Variants in NRXN3 observed in about 807,000 individuals in gnomAD.
NRXN3 encodes neurexin 3.
In NRXN3, 32 loss-of-function variants were observed where a neutral mutation model predicts 137.6. The ratio of observed to expected loss-of-function variants is 0.23; its 90% CI spans 0.18 to 0.31. The LOEUF is 0.31. Among genes scored for constraint, NRXN3 ranks in the 10% least tolerant of loss-of-function variants. NRXN3 has a pLI of 1.00. For missense variants in NRXN3, 1,574 were observed against 2,062.5 expected (o/e 0.76, Z 4.59); for synonymous variants, 798 against 784.5 (o/e 1.02, Z -0.29).
At chr14:79,397,005 C>T (rs2095046202) in intron 15 of NRXN3, among the ~76,000 whole-genome samples, 2 of 152,132 alleles carry the variant, frequency 1.3e-5, no homozygotes, top group Admixed American at 1.3e-4. Context: ...GAAAAGCATA[C>T]AATCTCTTTG....
Position 78,646,742 on chromosome 14 carries a change from C to T in NRXN3, c.1059+1321C>T, listed in dbSNP as rs534881254. Among the ~76,000 whole-genome samples, 5 of 152,298 alleles carry T rather than the reference C, an allele frequency of 3.3e-5. No homozygotes were observed. In the East Asian group the frequency reaches 9.6e-4, roughly 29 times the overall value. ...CCCAAGCATCTTGACATTCATGAAT[C>T]TGATATTTTTGAATCATTGTTCTAT... On this transcript the variant is annotated intron_variant, in intron 5 of 20. Coordinates refer to ENST00000335750, the MANE Select transcript of NRXN3 (RefSeq NM_001330195.2).
At chr14:79,657,939 A>G (rs2098514281) in intron 16 of NRXN3, among the ~76,000 whole-genome samples, 1 of 152,160 alleles carries the variant, frequency 6.6e-6, no homozygotes, top group South Asian at 2.1e-4. Flanking sequence ...TAAAATCACA[A>G]CCACACATTC....
chr14:79,756,112 A>G (rs2099018605), intron 19 of NRXN3, among the ~76,000 whole-genome samples: 1 of 152,178 alleles, frequency 6.6e-6, no homozygotes, highest in South Asian at 2.1e-4. Flanking sequence ...TGAAAACATA[A>G]CTGGCAGGCA....
At chr14:79,211,193 G>A (rs2067611104) in intron 15 of NRXN3, among the ~76,000 whole-genome samples, 1 of 152,050 alleles carries the variant, frequency 6.6e-6, no homozygotes, top group Admixed American at 6.6e-5. Flanking sequence ...ACCTTTCTGT[G>A]CCTCAGTTTT....
At chr14:78,976,482 G>A (rs983322505) in intron 14 of NRXN3, among the ~76,000 whole-genome samples, 3 of 152,060 alleles carry the variant, frequency 2.0e-5, no homozygotes, top group Admixed American at 6.6e-5. Flanking sequence ...AACAGAGTTA[G>A]AATTAGTCAA....
intron 16 of NRXN3, among the ~76,000 whole-genome samples, chr14:79,558,559 CT>C (rs953058150): frequency 2.3e-3 from 322 of 140,216 alleles, no homozygotes; most frequent in South Asian, 2.9e-3. Context: ...TTCTCTCTCT[CT>C]TTTTTTTTTT....
chr14:79,097,436 A>G (rs1310356229), intron 15 of NRXN3, among the ~76,000 whole-genome samples: 5 of 152,292 alleles, frequency 3.3e-5, no homozygotes, highest in Admixed American at 3.3e-4. Flanking sequence ...CCTGCTGTGC[A>G]CCATGAAGCA....
chr14:79,363,821 C>T (rs2093776761), intron 15 of NRXN3, among the ~76,000 whole-genome samples: 1 of 152,126 alleles, frequency 6.6e-6, no homozygotes, highest in Admixed American at 6.5e-5. Flanking sequence ...AATCTAACAC[C>T]ATTTTGAACT....
chr14:78,411,217 G>A (rs371358779), intron 4 of NRXN3, among the ~76,000 whole-genome samples: 3 of 152,184 alleles, frequency 2.0e-5, no homozygotes, highest in South Asian at 2.1e-4. Flanking sequence ...TTCTTCCCAC[G>A]CAGCACATGA....
rs113628867 is a variant in NRXN3, at chr14:79,340,046, A to G, written c.3263-127175A>G. On this transcript the variant is annotated intron_variant, in intron 15 of 20. Coordinates refer to ENST00000335750, the MANE Select transcript of NRXN3 (RefSeq NM_001330195.2). ...TTTTGAGAGAAGCTATTTTCACAGT[A>G]TGGCATTAGATTGTCCTCACTATAT... Among the ~76,000 whole-genome samples the G allele has an allele frequency of 8.3e-3, 1,263 of 152,210 alleles. 14 individuals carry two copies. Among genetic ancestry groups the G allele is most frequent in the African/African-American group, 0.029 (1,193 of 41,520 alleles).
chr14:79,652,074 T>C (rs1603349544), intron 16 of NRXN3, among the ~76,000 whole-genome samples: 2 of 152,108 alleles, frequency 1.3e-5, no homozygotes, highest in East Asian at 3.9e-4. Context: ...GACACAGAGG[T>C]GCTTAGATTC....
chr14:78,804,376 G>A (rs192299043), intron 9 of NRXN3, among the ~76,000 whole-genome samples: 23 of 152,322 alleles, frequency 1.5e-4, no homozygotes, highest in African/African-American at 5.3e-4. Flanking sequence ...GGGAGGACAA[G>A]TAGATTGTTG....
At position 79,327,860 on chromosome 14, in the gene NRXN3, C is replaced by T. The variant is rs562364551; in HGVS notation, c.3263-139361C>T. On this transcript the variant is annotated intron_variant, in intron 15 of 20. Transcript: ENST00000335750. ...GTTGCCTAAAATGATATGTCTTATC[C>T]GTTCTTTGATGTACAGATAAGAAAA... 1.1e-3 allele frequency among the ~76,000 whole-genome samples: 167 copies of T among 152,266 alleles called. 1 individual carries two copies. Among genetic ancestry groups the T allele is most frequent in the African/African-American group, 3.8e-3 (157 of 41,532 alleles).
chr14:79,860,919 T>C, intron 20 of NRXN3: 1 of 643,858 alleles, frequency 1.6e-6, no homozygotes, highest in Non-Finnish European at 2.4e-6. Context: ...TTAGACTCCA[T>C]CCAGAAAAGA....
At chr14:79,323,930 A>T (rs368881037) in intron 15 of NRXN3, among the ~76,000 whole-genome samples, 2 of 152,218 alleles carry the variant, frequency 1.3e-5, no homozygotes, top group Admixed American at 1.3e-4. Flanking sequence ...TTGCATATGG[A>T]GGTGTTTTTT....
At chr14:78,735,968 C>T (rs1449608877) in intron 8 of NRXN3, among the ~76,000 whole-genome samples, 1 of 152,124 alleles carries the variant, frequency 6.6e-6, no homozygotes, top group Non-Finnish European at 1.5e-5. Context: ...GGGAATGATT[C>T]CTCCTTTATA....
intron 4 of NRXN3, among the ~76,000 whole-genome samples, chr14:78,616,197 C>T (rs1323519119): frequency 2.0e-5 from 3 of 152,142 alleles, no homozygotes; most frequent in Non-Finnish European, 4.4e-5. Flanking sequence ...TAATGGTTTC[C>T]ATTTTTCTTA....
chr14:79,728,738 A>T (rs570972213), intron 19 of NRXN3, among the ~76,000 whole-genome samples: 1 of 152,150 alleles, frequency 6.6e-6, no homozygotes, highest in African/African-American at 2.4e-5. Context: ...TCAAAGACTG[A>T]TATTGTCGGG....
chr14:78,396,496 C>G (rs1417065109), intron 4 of NRXN3, among the ~76,000 whole-genome samples: 1 of 152,030 alleles, frequency 6.6e-6, no homozygotes, highest in Non-Finnish European at 1.5e-5. Context: ...TTTTGTTAGC[C>G]ATTATTTGAA....
Sources: gnomAD v4.1 joint callset for allele counts (sites outside exome capture counted in the v4.1 genomes callset) on GRCh38, gnomAD v4.1.1 for gene constraint, MANE v1.5 for transcripts, NCBI Gene and HGNC (gene_info 2026-07-23, HGNC 2026-07-21) for gene names.